The following GHR variants were observed in gnomAD, a reference collection of about 807,000 sequenced individuals.
The protein encoded by GHR is GH receptor.
GHR carries 35 observed loss-of-function variants against 67.1 expected under a neutral mutation model. The ratio of observed to expected loss-of-function variants is 0.52; its 90% confidence interval spans 0.40 to 0.69. GHR has a LOEUF of 0.69. Among genes scored for constraint, GHR ranks in the 30% least tolerant of loss-of-function variants. GHR has a pLI of 0.00. For synonymous variants in GHR, 272 were observed against 269.1 expected, an observed-to-expected ratio of 1.01 and a Z score of -0.10; for missense variants, 792 against 764.6, an observed-to-expected ratio of 1.04 and a Z score of -0.42.
rs114846679 is a variant in GHR at position 42,522,409 on chromosome 5, T to C, written c.-11-43455T>C. 8.3e-3 allele frequency among the ~76,000 whole-genome samples: 1,258 copies of C among 152,328 alleles called. 16 individuals carry two copies. Among genetic ancestry groups the C allele is most frequent in the African/African-American group, 0.029 (1,189 of 41,572 alleles). ...TTCTGTTTGAAGGTTAAAATGACCA[T>C]ATAAATACAGATTAATTCAGTTTTA... On this transcript the variant is annotated intron_variant, in intron 1 of 9. Coordinates refer to ENST00000230882, the MANE Select transcript of GHR (RefSeq NM_000163.5).
At chr5:42,441,490 G>A (rs564588187) in intron 1 of GHR, among the ~76,000 whole-genome samples, 2 of 151,324 alleles carry the variant, frequency 1.3e-5, no homozygotes, top group South Asian at 4.2e-4. Flanking sequence ...TTTAACTAGA[G>A]GAGGAAATGG....
intron 1 of GHR, among the ~76,000 whole-genome samples, chr5:42,427,787 G>T (rs376100067): frequency 1.2e-4 from 18 of 152,172 alleles, no homozygotes; most frequent in Non-Finnish European, 2.2e-4. Context: ...GTGTAAATAT[G>T]CCCATTCCAA....
At position 42,633,050 on chromosome 5, in the gene GHR, A is replaced by G. The variant is rs114154237; in HGVS notation, c.136+3947A>G. Among the ~76,000 whole-genome samples the G allele has an allele frequency of 5.2e-3, 799 of 152,290 alleles. 3 individuals are homozygous for G. Among genetic ancestry groups the G allele is most frequent in the African/African-American group, 0.019 (775 of 41,552 alleles). ...TGTCATGATTATTTATTGGCAGAAG[A>G]TTTGTTGGGCCAAACATGTAAGACT... On this transcript the variant is annotated intron_variant, in intron 3 of 9. Transcript: ENST00000230882.
intron 1 of GHR, among the ~76,000 whole-genome samples, chr5:42,475,049 A>G (rs1313438854): frequency 6.6e-6 from 1 of 151,774 alleles, no homozygotes; most frequent in African/African-American, 2.4e-5. Context: ...ACACCTGGCT[A>G]ATTTTTGTAT....
intron 1 of GHR, among the ~76,000 whole-genome samples, chr5:42,563,624 CAAAAAAAAAAA>C (rs1168788232): frequency 1.1e-4 from 5 of 45,098 alleles, no homozygotes; most frequent in Admixed American, 6.0e-4. Flanking sequence ...GACTCCGTCT[CAAAAAAAAAAA>C]AAAAAAAAAA....
chr5:42,711,342 C>T lies in GHR; in HGVS notation c.754C>T (p.Pro252Ser). 1 of 1,612,894 alleles carries T rather than the reference C, an allele frequency of 6.2e-7. No individual in the cohort carries two copies. Among genetic ancestry groups the T allele is most frequent in the Non-Finnish European group, 8.5e-7 (1 of 1,178,916 alleles). Residue 252 changes from proline to serine, a missense_variant, in exon 7 of 10, where the codon CCT (proline) becomes TCT (serine). By Grantham distance (74) the Pro-to-Ser change is moderately conservative. Transcript: ENST00000230882. ...EFSEVLYVTL[P>S]QMSQFTCEED... is the part of the protein sequence containing the mutation. The stretch of plus-strand genomic sequence containing the variant: ...CAGTGAGGTGCTCTATGTAACACTT[C>T]CTCAGATGAGCCAATTTACATGTGA...
chr5:42,711,835 C>A (rs1758475071), intron 7 of GHR, among the ~76,000 whole-genome samples: 1 of 152,020 alleles, frequency 6.6e-6, no homozygotes, highest in Non-Finnish European at 1.5e-5. Context: ...TAGTCAACAG[C>A]AGGTGCATAC....
At chr5:42,654,468 T>G (rs1281984493) in intron 3 of GHR, among the ~76,000 whole-genome samples, 1 of 152,192 alleles carries the variant, frequency 6.6e-6, no homozygotes, top group Non-Finnish European at 1.5e-5. Flanking sequence ...TAATTTCCTT[T>G]ATAAGCCAGA....
In GHR at chr5:42,718,525, G is replaced by T. The variant is rs1464822853; in HGVS notation, c.1018G>T (p.Asp340Tyr). ...DSYKPEFHSD[D>Y]SWVEFIELDI... ...CTATAAACCCGAATTCCACAGTGAT[G>T]ACTCTTGGGTTGAATTTATTGAGCT... Residue 340 changes from aspartate to tyrosine, a missense_variant, in exon 10 of 10, where the codon GAC becomes TAC. Asp to Tyr is a radical substitution (Grantham distance 160, BLOSUM62 -3). Transcript: ENST00000230882. 1 of 1,613,486 alleles carries T rather than the reference G, an allele frequency of 6.2e-7. No homozygotes were observed. Among genetic ancestry groups the T allele is most frequent in the South Asian group, 1.1e-5 (1 of 91,070 alleles).
chr5:42,565,736 C>G, intron 1 of GHR, 128 bp from the exon 2 acceptor site: 1 of 1,572,634 alleles, frequency 6.4e-7, no homozygotes, highest in Non-Finnish European at 8.6e-7. Context: ...CAGTGAAAGA[C>G]TTACCAGGAT....
rs1186433188 is a variant in GHR at position 42,534,238 on chromosome 5, GTATA to G, written c.-11-31622_-11-31619del. Among the ~76,000 whole-genome samples, 45 of 114,704 alleles carry G rather than the reference GTATA, an allele frequency of 3.9e-4. 1 individual carries two copies. Among genetic ancestry groups the G allele is most frequent in the Middle Eastern group, 4.6e-3 (1 of 216 alleles). The allele number at this position is 114,704 out of a possible 152,430, so 75.3% of individuals were successfully genotyped here. On this transcript the variant is annotated intron_variant, in intron 1 of 9. Transcript: ENST00000230882. ...TGTATATATGTACATGTGTATATGTGTATATATGTATATATGTACATGTGTATAT... is the reference window on the plus strand; with the variant it reads ...TGTATATATGTACATGTGTATATGTGTATGTATATATGTACATGTGTATAT...
At chr5:42,602,288 G>A (rs552658573) in intron 2 of GHR, among the ~76,000 whole-genome samples, 1 of 152,108 alleles carries the variant, frequency 6.6e-6, no homozygotes, top group South Asian at 2.1e-4. Context: ...CTTCATAACT[G>A]CTACTTTGTA....
At chr5:42,426,953 G>A (rs973974556) in intron 1 of GHR, among the ~76,000 whole-genome samples, 3 of 152,114 alleles carry the variant, frequency 2.0e-5, no homozygotes, top group Admixed American at 6.5e-5. Context: ...GTCCATTCTA[G>A]GAAAGATTCA....
At chr5:42,443,814 T>G (rs1195191483) in intron 1 of GHR, among the ~76,000 whole-genome samples, 1 of 152,122 alleles carries the variant, frequency 6.6e-6, no homozygotes, top group East Asian at 1.9e-4. Context: ...ATTCAACTGA[T>G]TGGAGGGCAG....
chr5:42,432,366 G>A (rs554110448), intron 1 of GHR, among the ~76,000 whole-genome samples: 43 of 152,298 alleles, frequency 2.8e-4, no homozygotes, highest in Non-Finnish European at 5.0e-4. Flanking sequence ...GAGAAAAGGT[G>A]CATAATTGAT....
chr5:42,488,138 A>T (rs1370941746), intron 1 of GHR, among the ~76,000 whole-genome samples: 2 of 152,192 alleles, frequency 1.3e-5, no homozygotes, highest in Non-Finnish European at 2.9e-5. Flanking sequence ...TCATCATACA[A>T]TGTATCTATT....
At chr5:42,515,245 G>C (rs1747187381) in intron 1 of GHR, among the ~76,000 whole-genome samples, 1 of 152,180 alleles carries the variant, frequency 6.6e-6, no homozygotes, top group Non-Finnish European at 1.5e-5. Context: ...GTAACAGCAG[G>C]ATTTTCTTTT....
chr5:42,510,367 C>G (rs1319778452), intron 1 of GHR, among the ~76,000 whole-genome samples: 3 of 152,196 alleles, frequency 2.0e-5, no homozygotes, highest in Admixed American at 6.5e-5. Context: ...TGCATCTACT[C>G]AAAGCCTTCT....
At chr5:42,534,289 C>T (rs535920132) in intron 1 of GHR, among the ~76,000 whole-genome samples, 1,138 of 54,760 alleles carry the variant, frequency 0.021, no homozygotes, top group Non-Finnish European at 0.027. Context: ...TATATATGTA[C>T]ATGTGTATAT....
Sources: allele counts gnomAD v4.1 joint callset (sites outside exome capture counted in the v4.1 genomes callset), GRCh38; gene constraint gnomAD v4.1.1; transcripts MANE v1.5; gene names NCBI Gene and HGNC (gene_info 2026-07-23, HGNC 2026-07-21).